ST18: variants seen among roughly 807,000 people sequenced by gnomAD.
ST18 encodes ST18 C2H2C-type zinc finger transcription factor.
A neutral mutation model predicts 110.0 loss-of-function variants in ST18; 50 were observed. The observed-to-expected ratio is 0.45, with a 90% CI of 0.36 to 0.58. The LOEUF (loss-of-function observed/expected upper bound fraction) is 0.58. Ranked by LOEUF, ST18 falls within the 20% of genes least tolerant of loss-of-function variation. The pLI, the probability that ST18 is intolerant of heterozygous loss-of-function variation, is 0.00. For missense variants in ST18, 1,306 were observed against 1,280.1 expected (o/e 1.02, Z -0.31); for synonymous variants, 461 against 452.4 (o/e 1.02, Z -0.24).
chr8:52,125,772 G>A (rs893026336), intron 23 of ST18: 1 of 356,126 alleles, frequency 2.8e-6, no homozygotes, highest in Non-Finnish European at 5.0e-6. Flanking sequence ...TTACAGGCGT[G>A]AGCCAGCATG....
intron 2 of ST18, among the ~76,000 whole-genome samples, chr8:52,322,206 G>A (rs1047716687): frequency 6.6e-6 from 1 of 152,200 alleles, no homozygotes; most frequent in African/African-American, 2.4e-5. Context: ...AGGGAGAGGA[G>A]TCTTGGCAAC....
At chr8:52,161,351 A>G in intron 14 of ST18, 24 bp downstream of exon 14, 2 of 1,605,090 alleles carry the variant, frequency 1.2e-6, no homozygotes, top group Non-Finnish European at 1.7e-6. Flanking sequence ...TTTTGGGGAA[A>G]CGGCATTAGA....
chr8:52,297,223 C>T (rs2139456685), intron 2 of ST18, among the ~76,000 whole-genome samples: 1 of 152,306 alleles, frequency 6.6e-6, no homozygotes, highest in Non-Finnish European at 1.5e-5. Flanking sequence ...CCCAGCTCCC[C>T]AGCTTCCAGG....
At chr8:52,138,212 A>T (rs754291954) in intron 17 of ST18, among the ~76,000 whole-genome samples, 29 of 152,206 alleles carry the variant, frequency 1.9e-4, no homozygotes, top group Non-Finnish European at 3.1e-4. Flanking sequence ...CCATTATATG[A>T]CATATTCCAG....
chr8:52,217,128 G>A (rs934065456), intron 6 of ST18, among the ~76,000 whole-genome samples: 3 of 152,248 alleles, frequency 2.0e-5, no homozygotes, highest in East Asian at 1.9e-4. Context: ...AATTATGTCT[G>A]TAAAACCTAA....
At chr8:52,135,961 T>C (rs550267250) in intron 19 of ST18, among the ~76,000 whole-genome samples, 1 of 152,198 alleles carries the variant, frequency 6.6e-6, no homozygotes, top group Non-Finnish European at 1.5e-5. Context: ...TCTTTTAAAA[T>C]TTATGCCCTA....
intron 2 of ST18, among the ~76,000 whole-genome samples, chr8:52,386,002 C>T (rs1310504760): frequency 6.6e-6 from 1 of 152,164 alleles, no homozygotes; most frequent in Non-Finnish European, 1.5e-5. Context: ...CACCCTCTGA[C>T]CCCAGTCATT....
intron 2 of ST18, among the ~76,000 whole-genome samples, chr8:52,408,808 T>C (rs1346551505): frequency 1.3e-5 from 2 of 152,196 alleles, no homozygotes; most frequent in Non-Finnish European, 2.9e-5. Context: ...AACAGACATA[T>C]AGCATGCATA....
chr8:52,142,495 C>A (rs943613007), intron 17 of ST18, among the ~76,000 whole-genome samples: 7 of 152,104 alleles, frequency 4.6e-5, no homozygotes, highest in Admixed American at 2.6e-4. Context: ...ACTCATTCAC[C>A]CGCTAGTACA....
At chr8:52,230,958 A>T (rs928704656) in intron 2 of ST18, among the ~76,000 whole-genome samples, 8 of 152,220 alleles carry the variant, frequency 5.3e-5, no homozygotes, top group Admixed American at 1.3e-4. Flanking sequence ...TGAAAAACTC[A>T]TACTACAGAA....
chr8:52,132,023 T>C lies in ST18; in HGVS notation c.2601A>G (p.Pro867=). 6 of 1,614,230 alleles carry C rather than the reference T, an allele frequency of 3.7e-6. No individual in the cohort carries two copies. The highest frequency in any genetic ancestry group is 1.3e-5 in the African/African-American group (1 of 75,068). ...LSWKLNKQEL[P]HCPLPGCNGL... ...CATTGCAGCCTGGCAAGGGACAATG[T>C]GGTAGCTCTTGTTTGTTCAGTTTCC... The change falls in exon 22 of 26, where the codon CCA becomes CCG. Residue 867 remains proline (P), a synonymous_variant. Transcript: ENST00000689386.
intron 2 of ST18, among the ~76,000 whole-genome samples, chr8:52,276,987 G>A (rs1486019933): frequency 6.6e-6 from 1 of 152,022 alleles, no homozygotes; most frequent in Non-Finnish European, 1.5e-5. Flanking sequence ...GGCTGGTCAC[G>A]AACTCCTGAC....
intron 10 of ST18, among the ~76,000 whole-genome samples, chr8:52,168,910 A>G (rs2063871101): frequency 6.6e-6 from 1 of 152,172 alleles, no homozygotes; most frequent in Non-Finnish European, 1.5e-5. Flanking sequence ...GTAAGTTAGA[A>G]AAAAAGGAGA....
chr8:52,357,448 C>A (rs546529059), intron 2 of ST18, among the ~76,000 whole-genome samples: 1 of 150,878 alleles, frequency 6.6e-6, no homozygotes, highest in East Asian at 2.0e-4. Flanking sequence ...CACTTTAGAT[C>A]CAAATACACA....
At chr8:52,241,600 A>G (rs902679296) in intron 2 of ST18, among the ~76,000 whole-genome samples, 1 of 152,192 alleles carries the variant, frequency 6.6e-6, no homozygotes, top group African/African-American at 2.4e-5. Flanking sequence ...TTAGGGGCAG[A>G]TGGTGTGGCT....
At chr8:52,372,169 G>C (rs1830492666) in intron 2 of ST18, among the ~76,000 whole-genome samples, 1 of 151,892 alleles carries the variant, frequency 6.6e-6, no homozygotes, top group African/African-American at 2.4e-5. Flanking sequence ...TGTAGGCCTA[G>C]GATTTTGTGT....
At chr8:52,307,113 G>T (rs1366170050) in intron 2 of ST18, among the ~76,000 whole-genome samples, 1 of 152,080 alleles carries the variant, frequency 6.6e-6, no homozygotes, top group Non-Finnish European at 1.5e-5. Flanking sequence ...GAGTCCAGAA[G>T]TTCGAGACCA....
chr8:52,331,313 TGAATAATATTTGTTATATAATATATAC>T (rs1809273745), intron 2 of ST18, among the ~76,000 whole-genome samples: 5 of 151,512 alleles, frequency 3.3e-5, no homozygotes, highest in Admixed American at 2.0e-4. Flanking sequence ...TCTGTATTTA[TGAATAATATTTGTTATATAATATATAC>T]ATATATTAAT....
chr8:52,266,879 G>C (rs79365528), intron 2 of ST18, among the ~76,000 whole-genome samples: 5,024 of 152,192 alleles, frequency 0.033, 137 homozygotes, highest in Admixed American at 0.081. Flanking sequence ...GGGATTAGAG[G>C]GGGCTATAAA....
Sources: allele counts gnomAD v4.1 joint callset (sites outside exome capture counted in the v4.1 genomes callset), GRCh38; gene constraint gnomAD v4.1.1; transcripts MANE v1.5; gene names NCBI Gene and HGNC (gene_info 2026-07-23, HGNC 2026-07-21).